Variants in STS observed in about 807,000 individuals in gnomAD.
STS encodes the protein steroid sulfatase, also known as steryl-sulfatase.
In STS, 7 loss-of-function variants were observed where a neutral mutation model predicts 26.8. That is an observed-to-expected ratio of 0.26 (90% CI 0.15 to 0.49). STS has a LOEUF of 0.49. Among genes scored for constraint, STS ranks in the 20% least tolerant of loss-of-function variants. STS has a pLI of 0.98. For missense variants in STS, 434 were observed against 465.6 expected, an observed-to-expected ratio of 0.93 and a Z score of 0.63; for synonymous variants, 199 against 189.4, an observed-to-expected ratio of 1.05 and a Z score of -0.42.
chrX:7,191,054 A>C, intron 2 of STS, 46 bp downstream of exon 2: 10 of 716,387 alleles, frequency 1.4e-5, no homozygotes, highest in Non-Finnish European at 1.7e-5. Context: ...CCTGAAACTC[A>C]AGTGTTTGAC....
At chrX:7,325,532 G>C (rs375945712) in intron 9 of STS, 34 bp downstream of exon 9, 2 of 1,203,854 alleles carry the variant, frequency 1.7e-6, no homozygotes, top group East Asian at 3.0e-5. Context: ...GTATTGTTGA[G>C]CTCTGATTTC....
Position 7,349,892 on chromosome X carries a change from A to G in STS, c.1368A>G (p.Thr456=), listed in dbSNP as rs1281721607. ...TTCCATCCTTTTAAACCACAGGCACATCCATCTGGAAGGCCTTTTTCTTCA... is the reference window on the plus strand; with the variant it reads ...TTCCATCCTTTTAAACCACAGGCACGTCCATCTGGAAGGCCTTTTTCTTCA... The part of the protein sequence containing the change: ...NAVRWHPQNS[T]SIWKAFFFTP... Residue 456 remains threonine, a synonymous_variant, in exon 11 of 11, where the codon ACA becomes ACG. Coordinates refer to ENST00000674429, the MANE Select transcript of STS (RefSeq NM_001320752.2). 1 of 1,211,572 alleles carries G rather than the reference A, an allele frequency of 8.3e-7. No homozygotes were observed. Among genetic ancestry groups the G allele is most frequent in the Non-Finnish European group, 1.1e-6 (1 of 895,403 alleles).
intron 1 of STS, 130 bp downstream of exon 1, chrX:7,148,213 C>G: frequency 4.2e-6 from 2 of 473,999 alleles, no homozygotes; most frequent in Non-Finnish European, 6.4e-6. Flanking sequence ...CGCCCGGGGT[C>G]GCTCTGCGCA....
At chrX:7,173,820 C>T (rs1050831229) in intron 1 of STS, among the ~76,000 whole-genome samples, 2 of 111,836 alleles carry the variant, frequency 1.8e-5, no homozygotes, top group Non-Finnish European at 3.8e-5. Flanking sequence ...GAAACTTTAT[C>T]CTGCAGATCA....
rs1276765623 is a variant in STS at position 7,352,924 on chromosome X, A to G, written c.*2663A>G. ...CTTCTCAGATTTTTCTGAAGGGCATACAATGAAAAGTGAAGGGGAAACACA... is the reference window on the plus strand; with the variant it reads ...CTTCTCAGATTTTTCTGAAGGGCATGCAATGAAAAGTGAAGGGGAAACACA... On this transcript the variant is annotated 3_prime_UTR_variant, in exon 11 of 11. Transcript: ENST00000674429. 2 of 110,709 alleles carry G rather than the reference A, an allele frequency of 1.8e-5. No individual in the cohort carries two copies. The highest frequency in any genetic ancestry group is 3.3e-5 in the African/African-American group (1 of 30,226). 9.1% of individuals were successfully genotyped at this position (110,709 alleles called of 1,213,427 possible).
intron 2 of STS, among the ~76,000 whole-genome samples, chrX:7,199,289 A>G (rs1361047352): frequency 9.0e-6 from 1 of 111,693 alleles, no homozygotes; most frequent in Non-Finnish European, 1.9e-5. Context: ...AGTGTCCAAA[A>G]TTAGATTGAT....
At chrX:7,204,155 A>G (rs989952143) in intron 2 of STS, among the ~76,000 whole-genome samples, 1 of 111,408 alleles carries the variant, frequency 9.0e-6, no homozygotes, top group African/African-American at 3.3e-5. Context: ...ACACCCTAAA[A>G]TTATACCATA....
At chrX:7,248,549 A>G (rs1253989220) in intron 2 of STS, among the ~76,000 whole-genome samples, 2 of 112,433 alleles carry the variant, frequency 1.8e-5, no homozygotes, top group Non-Finnish European at 3.8e-5. Flanking sequence ...TGTGGTCTCT[A>G]TAAGGCCAAT....
intron 3 of STS, among the ~76,000 whole-genome samples, chrX:7,255,677 T>C (rs1221231759): frequency 8.9e-6 from 1 of 111,796 alleles, no homozygotes; most frequent in Non-Finnish European, 1.9e-5. Flanking sequence ...AAATAGTCAC[T>C]TTTTTTTGTA....
intron 2 of STS, among the ~76,000 whole-genome samples, chrX:7,208,931 C>A (rs1171532253): frequency 9.0e-6 from 1 of 111,360 alleles, no homozygotes; most frequent in African/African-American, 3.3e-5. Flanking sequence ...CTTCCTCCAT[C>A]TTCAAGGCTG....
intron 2 of STS, among the ~76,000 whole-genome samples, chrX:7,198,663 G>A (rs920518933): frequency 1.8e-5 from 2 of 112,437 alleles, no homozygotes; most frequent in Non-Finnish European, 3.8e-5. Context: ...AGGAATGAAC[G>A]AGGGCAGTCT....
At chrX:7,205,497 G>A (rs898607629) in intron 2 of STS, among the ~76,000 whole-genome samples, 3 of 111,910 alleles carry the variant, frequency 2.7e-5, no homozygotes, top group South Asian at 3.7e-4. Context: ...GGCACTCAGT[G>A]TATTCACTGA....
At chrX:7,325,584 G>A in intron 9 of STS, 86 bp downstream of exon 9, 1 of 1,094,772 alleles carries the variant, frequency 9.1e-7, no homozygotes, top group Non-Finnish European at 1.3e-6. Context: ...ATGGTGTGGG[G>A]ACCAAGGCCT....
intron 1 of STS, among the ~76,000 whole-genome samples, chrX:7,155,945 T>A (rs1933123741): frequency 1.8e-5 from 2 of 111,007 alleles, no homozygotes; most frequent in South Asian, 7.7e-4. Context: ...GCTCAGGAGT[T>A]CAAGACCAGC....
chrX:7,212,620 T>C (rs1158951418), intron 2 of STS, among the ~76,000 whole-genome samples: 1 of 112,250 alleles, frequency 8.9e-6, no homozygotes, highest in East Asian at 2.8e-4. Flanking sequence ...TTTAAATAGA[T>C]AGCTCATCTA....
intron 8 of STS, among the ~76,000 whole-genome samples, chrX:7,322,209 A>G (rs1393701731): frequency 8.9e-6 from 1 of 112,213 alleles, no homozygotes; most frequent in African/African-American, 3.2e-5. Context: ...AGGGGAGAAG[A>G]GGACGCCTGG....
At chrX:7,239,311 C>G (rs1922478047) in intron 2 of STS, among the ~76,000 whole-genome samples, 1 of 111,708 alleles carries the variant, frequency 9.0e-6, no homozygotes, top group Non-Finnish European at 1.9e-5. Context: ...CTTTGTGAAT[C>G]AAATTTCACC....
intron 6 of STS, among the ~76,000 whole-genome samples, chrX:7,263,871 A>T (rs762420559): frequency 1.8e-5 from 2 of 111,763 alleles, no homozygotes; most frequent in African/African-American, 6.5e-5. Context: ...TAATTTACAA[A>T]GAGATAAATT....
intron 8 of STS, among the ~76,000 whole-genome samples, chrX:7,323,182 C>T (rs1436211715): frequency 1.3e-4 from 14 of 110,734 alleles, no homozygotes; most frequent in African/African-American, 1.3e-4. Context: ...TTCCTATGTC[C>T]GTTGTAATCA....
Sources: gnomAD v4.1 joint callset for allele counts (sites outside exome capture counted in the v4.1 genomes callset) on GRCh38, gnomAD v4.1.1 for gene constraint, MANE v1.5 for transcripts, NCBI Gene and HGNC (gene_info 2026-07-23, HGNC 2026-07-21) for gene names.